NPL: variants seen among roughly 807,000 people sequenced by gnomAD.
NPL encodes the protein N-acetylneuraminate lyase.
Under a neutral mutation model 41.1 loss-of-function variants are expected in NPL, and 32 were observed. That is an observed-to-expected ratio of 0.78 (90% CI 0.59 to 1.05). The LOEUF is 1.05. NPL is among the 50% of genes least tolerant of loss of function. The pLI is 0.00. For missense variants in NPL, 321 were observed against 378.4 expected, an observed-to-expected ratio of 0.85 and a Z score of 1.26; for synonymous variants, 128 against 134.9, an observed-to-expected ratio of 0.95 and a Z score of 0.35.
intron 2 of NPL, among the ~76,000 whole-genome samples, chr1:182,793,848 T>C (rs1666582375): frequency 6.6e-6 from 1 of 152,206 alleles, no homozygotes; most frequent in Admixed American, 6.5e-5. Flanking sequence ...TGCAGGTCCA[T>C]TTACACAGAT....
chr1:182,798,084 G>A (rs1377084699), intron 3 of NPL, among the ~76,000 whole-genome samples: 1 of 152,160 alleles, frequency 6.6e-6, no homozygotes, highest in Non-Finnish European at 1.5e-5. Context: ...ATGTGAGGGA[G>A]CCATAGGTAT....
intron 4 of NPL, among the ~76,000 whole-genome samples, 187 bp downstream of exon 4, chr1:182,803,958 G>A (rs1259151645): frequency 6.6e-6 from 1 of 152,146 alleles, no homozygotes; most frequent in African/African-American, 2.4e-5. Flanking sequence ...CACCTCAAGA[G>A]ATTACCTCAT....
At chr1:182,816,643 T>G in intron 7 of NPL, 71 bp from the exon 8 acceptor site, 1 of 1,067,368 alleles carries the variant, frequency 9.4e-7, no homozygotes. Flanking sequence ...CATCAGATGA[T>G]TCTCTTTTTT....
intron 10 of NPL, among the ~76,000 whole-genome samples, chr1:182,819,863 A>C (rs1160501335): frequency 6.6e-6 from 1 of 152,198 alleles, no homozygotes; most frequent in Admixed American, 6.5e-5. Context: ...GCTTATGTAC[A>C]AGAAGATATG....
intron 3 of NPL, chr1:182,795,953 A>T (rs777294430): frequency 3.3e-5 from 5 of 152,150 alleles, no homozygotes; most frequent in African/African-American, 4.8e-5. Flanking sequence ...TTGTTTGTTC[A>T]TCAGGGACCC....
chr1:182,802,841 G>T (rs1666889797), intron 3 of NPL, among the ~76,000 whole-genome samples: 1 of 152,118 alleles, frequency 6.6e-6, no homozygotes, highest in South Asian at 2.1e-4. Flanking sequence ...ATTGCCAAGT[G>T]CATGCAGATC....
At chr1:182,810,832 T>C (rs1667156139) in intron 5 of NPL, among the ~76,000 whole-genome samples, 2 of 152,180 alleles carry the variant, frequency 1.3e-5, no homozygotes, top group Admixed American at 1.3e-4. Flanking sequence ...AATAGCCCTG[T>C]GAGACAGGTA....
intron 5 of NPL, 200 bp downstream of exon 5, chr1:182,806,432 C>T (rs1379569963): frequency 6.5e-7 from 1 of 1,537,456 alleles, no homozygotes; most frequent in Non-Finnish European, 8.7e-7. Flanking sequence ...GGCAGCCAAA[C>T]TGCTAGACAC....
intron 2 of NPL, among the ~76,000 whole-genome samples, chr1:182,793,810 G>A (rs550858359): frequency 6.6e-6 from 1 of 152,162 alleles, no homozygotes; most frequent in Non-Finnish European, 1.5e-5. Flanking sequence ...TAGTACAGTT[G>A]ACCCTTGAAT....
Position 182,806,130 on chromosome 1 carries a change from T to G in NPL, c.143-15T>G. ...GTGCTCCTTGGTCCTGCTGACTTAC[T>G]CTTTGTTTGAACAGTGAATGGCACA... On this transcript the variant is annotated splice_polypyrimidine_tract_variant and intron_variant, in intron 4 of 12. Coordinates refer to ENST00000367553, the MANE Select transcript of NPL (RefSeq NM_030769.3). The G allele has an allele frequency of 6.2e-7, 1 of 1,614,166 alleles. No individual in the cohort carries two copies.
chr1:182,810,209 T>G (rs533136761), intron 5 of NPL, among the ~76,000 whole-genome samples: 1 of 152,246 alleles, frequency 6.6e-6, no homozygotes, highest in East Asian at 1.9e-4. Flanking sequence ...AGCTGAACAT[T>G]ATTAATCCCA....
chr1:182,816,843 A>G (rs777850769), intron 8 of NPL, 37 bp downstream of exon 8: 1 of 1,489,566 alleles, frequency 6.7e-7, no homozygotes, highest in South Asian at 1.1e-5. Flanking sequence ...TTTCCTTCCA[A>G]CTCTCACATC....
intron 11 of NPL, among the ~76,000 whole-genome samples, chr1:182,824,116 A>G (rs1667565771): frequency 6.6e-6 from 1 of 151,982 alleles, no homozygotes; most frequent in Non-Finnish European, 1.5e-5. Context: ...GAAATTACAC[A>G]TGTACAAAGA....
At chr1:182,794,239 G>C (rs1571419396) in intron 2 of NPL, 117 bp from the exon 3 acceptor site, 1 of 889,208 alleles carries the variant, frequency 1.1e-6, no homozygotes, top group African/African-American at 1.6e-5. Context: ...CTTGCTCTGT[G>C]TGTTTGTGTA....
At chr1:182,807,292 G>C (rs1024595818) in intron 5 of NPL, among the ~76,000 whole-genome samples, 1 of 151,956 alleles carries the variant, frequency 6.6e-6, no homozygotes, top group Non-Finnish European at 1.5e-5. Context: ...TCTGATGAAT[G>C]TATAAAAAAA....
intron 3 of NPL, among the ~76,000 whole-genome samples, chr1:182,802,640 A>T (rs1484809625): frequency 6.6e-6 from 1 of 152,210 alleles, no homozygotes; most frequent in African/African-American, 2.4e-5. Flanking sequence ...TAACCATTTA[A>T]TGCAGGCTTG....
At chr1:182,800,051 C>T (rs1666792081) in intron 3 of NPL, among the ~76,000 whole-genome samples, 1 of 152,150 alleles carries the variant, frequency 6.6e-6, no homozygotes, top group South Asian at 2.1e-4. Flanking sequence ...TGTTTCCATT[C>T]TCTCTAGTGA....
At chr1:182,800,435 CAAAAAAAAAAA>C (rs1053733197) in intron 3 of NPL, among the ~76,000 whole-genome samples, 3 of 51,568 alleles carry the variant, frequency 5.8e-5, no homozygotes, top group East Asian at 1.6e-3. Flanking sequence ...GACCCTGTCT[CAAAAAAAAAAA>C]AAAAAAAAAA....
At chr1:182,822,094 T>C in intron 10 of NPL, 21 bp from the exon 11 acceptor site, 1 of 1,495,662 alleles carries the variant, frequency 6.7e-7, no homozygotes, top group Non-Finnish European at 9.3e-7. Context: ...GAACCTGCAG[T>C]ATTTGTTATT....
Sources: gnomAD v4.1 joint callset for allele counts (sites outside exome capture counted in the v4.1 genomes callset) on GRCh38, gnomAD v4.1.1 for gene constraint, MANE v1.5 for transcripts, NCBI Gene and HGNC (gene_info 2026-07-23, HGNC 2026-07-21) for gene names.